GRIN2A: variants seen among roughly 807,000 people sequenced by gnomAD.
The protein encoded by GRIN2A is glutamate receptor ionotropic, NMDA 2A.
GRIN2A carries 22 observed loss-of-function variants against 113.4 expected under a neutral mutation model. The ratio of observed to expected loss-of-function variants is 0.19; its 90% CI spans 0.14 to 0.28. GRIN2A has a LOEUF of 0.28. Among genes scored for constraint, GRIN2A ranks in the 10% least tolerant of loss-of-function variants. The pLI, the probability that GRIN2A is intolerant of heterozygous loss-of-function variation, is 1.00. For synonymous variants in GRIN2A, 827 were observed against 738.4 expected (o/e 1.12, Z -1.94); for missense variants, 1,502 against 1,887.0 (o/e 0.80, Z 3.78).
chr16:9,871,128 C>A (rs2043252768), intron 4 of GRIN2A, among the ~76,000 whole-genome samples: 1 of 152,220 alleles, frequency 6.6e-6, no homozygotes, highest in East Asian at 1.9e-4. Flanking sequence ...TTTTCCTGCT[C>A]CCATCTTGTC....
Position 10,113,893 on chromosome 16 carries a change from T to C in GRIN2A, c.414+66105A>G, listed in dbSNP as rs139346352. Among the ~76,000 whole-genome samples the C allele has an allele frequency of 4.9e-4, 74 of 152,282 alleles. No homozygotes were observed. The East Asian group carries it at 0.013, about 26-fold the overall frequency. ...TTTCATGACCTTGAGGAGTAGAGTC[T>C]TGAAGGGCATCTTAAGATTTTTAAC... On this transcript the variant is annotated intron_variant, in intron 2 of 12. Coordinates refer to ENST00000330684, the MANE Select transcript of GRIN2A (RefSeq NM_001134407.3).
chr16:10,093,162 G>T (rs936339310), intron 2 of GRIN2A, among the ~76,000 whole-genome samples: 1 of 152,196 alleles, frequency 6.6e-6, no homozygotes, highest in African/African-American at 2.4e-5. Context: ...CCAGAAGAAA[G>T]AAGAGCAAGT....
intron 7 of GRIN2A, among the ~76,000 whole-genome samples, chr16:9,839,146 T>C (rs1437859873): frequency 2.0e-5 from 3 of 152,200 alleles, no homozygotes; most frequent in Non-Finnish European, 4.4e-5. Flanking sequence ...CAAACCCACT[T>C]ATATGGGAGT....
At chr16:10,101,941 G>A (rs1488762235) in intron 2 of GRIN2A, among the ~76,000 whole-genome samples, 1 of 152,136 alleles carries the variant, frequency 6.6e-6, no homozygotes, top group South Asian at 2.1e-4. Context: ...TGTAGGCAAG[G>A]GTGACAGGAA....
At chr16:10,096,247 G>A (rs116235583) in intron 2 of GRIN2A, among the ~76,000 whole-genome samples, 9 of 152,170 alleles carry the variant, frequency 5.9e-5, no homozygotes, top group African/African-American at 1.4e-4. Flanking sequence ...GGGACTCAGA[G>A]GATAGTGACA....
intron 4 of GRIN2A, among the ~76,000 whole-genome samples, chr16:9,886,253 G>T (rs1288772567): frequency 6.6e-6 from 1 of 152,102 alleles, no homozygotes; most frequent in African/African-American, 2.4e-5. Flanking sequence ...TACCTCCTAT[G>T]GATGATTAGA....
chr16:10,078,940 TTC>T (rs2047930672), intron 2 of GRIN2A, among the ~76,000 whole-genome samples: 2 of 152,232 alleles, frequency 1.3e-5, no homozygotes, highest in South Asian at 2.1e-4. Context: ...CCCAGTGTCT[TTC>T]TGTTTTTCAC....
At chr16:9,976,568 G>C (rs933027578) in intron 2 of GRIN2A, among the ~76,000 whole-genome samples, 6 of 152,186 alleles carry the variant, frequency 3.9e-5, no homozygotes, top group African/African-American at 1.4e-4. Context: ...CCAGGACCCT[G>C]AACCAACTGA....
chr16:9,778,750 C>A (rs1901760711), intron 11 of GRIN2A, among the ~76,000 whole-genome samples: 1 of 152,192 alleles, frequency 6.6e-6, no homozygotes, highest in Non-Finnish European at 1.5e-5. Flanking sequence ...GGATCTCTCC[C>A]AGGAGGAACT....
intron 3 of GRIN2A, among the ~76,000 whole-genome samples, chr16:9,896,131 C>A (rs143840419): frequency 0.038 from 5,754 of 152,026 alleles, 387 homozygotes; most frequent in African/African-American, 0.13. Flanking sequence ...CTCACTGCAA[C>A]CTTCACCTCC....
intron 2 of GRIN2A, among the ~76,000 whole-genome samples, chr16:10,152,814 T>C (rs1433068039): frequency 6.6e-6 from 1 of 152,158 alleles, no homozygotes; most frequent in African/African-American, 2.4e-5. Flanking sequence ...AATGCATATT[T>C]CTAAGTGAAA....
chr16:9,844,125 G>A (rs531812659), intron 5 of GRIN2A, among the ~76,000 whole-genome samples: 1 of 152,208 alleles, frequency 6.6e-6, no homozygotes, highest in Admixed American at 6.5e-5. Flanking sequence ...AAGATTTCTG[G>A]AAGATTAGAG....
At chr16:9,806,595 G>C (rs2041972179) in intron 10 of GRIN2A, among the ~76,000 whole-genome samples, 1 of 152,032 alleles carries the variant, frequency 6.6e-6, no homozygotes. Context: ...AGGAGGAAGA[G>C]ATCCAGATGG....
chr16:9,988,363 C>T (rs867979570), intron 2 of GRIN2A, among the ~76,000 whole-genome samples: 1 of 151,772 alleles, frequency 6.6e-6, no homozygotes, highest in Non-Finnish European at 1.5e-5. Context: ...TACATAAAAA[C>T]AGTGGACAAA....
At chr16:10,029,185 T>C (rs1325633235) in intron 2 of GRIN2A, among the ~76,000 whole-genome samples, 8 of 152,072 alleles carry the variant, frequency 5.3e-5, no homozygotes, top group Admixed American at 2.0e-4. Context: ...CCCACCCCAA[T>C]TGCACACACT....
chr16:10,005,520 A>G (rs1338022617), intron 2 of GRIN2A, among the ~76,000 whole-genome samples: 2 of 152,236 alleles, frequency 1.3e-5, no homozygotes, highest in Non-Finnish European at 2.9e-5. Context: ...GAAGTGGTCC[A>G]GATACGTAAA....
chr16:10,169,715 C>T (rs1445803466), intron 2 of GRIN2A, among the ~76,000 whole-genome samples: 1 of 152,176 alleles, frequency 6.6e-6, no homozygotes, highest in Non-Finnish European at 1.5e-5. Context: ...AAGCAAAAAA[C>T]TGAATGTCTT....
At chr16:9,951,389 C>T (rs1422500394) in intron 2 of GRIN2A, among the ~76,000 whole-genome samples, 1 of 152,220 alleles carries the variant, frequency 6.6e-6, no homozygotes. Context: ...AGACCAAATA[C>T]AGAATATCAT....
chr16:9,818,028 T>C (rs969615252), intron 10 of GRIN2A, among the ~76,000 whole-genome samples: 3 of 152,282 alleles, frequency 2.0e-5, no homozygotes, highest in African/African-American at 7.2e-5. Context: ...TGACTTTTTT[T>C]TTTTAAGGCT....
Sources: gnomAD v4.1 joint callset for allele counts (sites outside exome capture counted in the v4.1 genomes callset) on GRCh38, gnomAD v4.1.1 for gene constraint, MANE v1.5 for transcripts, NCBI Gene and HGNC (gene_info 2026-07-23, HGNC 2026-07-21) for gene names.